Variants in SUPT3H observed in about 807,000 individuals in gnomAD.
SUPT3H encodes the protein transcription initiation protein SPT3 homolog.
SUPT3H carries 44 observed loss-of-function variants against 44.3 expected under a neutral mutation model. That is an observed-to-expected ratio of 0.99 (90% CI 0.78 to 1.28). SUPT3H has a LOEUF of 1.28. SUPT3H is among the 50% of genes most tolerant of loss of function. The probability of loss-of-function intolerance (pLI) is 0.00; values close to 1 mark genes in which losing one functional copy is unlikely to be tolerated. For synonymous variants in SUPT3H, 124 were observed against 125.6 expected (o/e 0.99, Z 0.09); for missense variants, 380 against 387.1 (o/e 0.98, Z 0.15).
At chr6:45,039,441 T>C (rs1788171912) in intron 3 of SUPT3H, among the ~76,000 whole-genome samples, 1 of 151,944 alleles carries the variant, frequency 6.6e-6, no homozygotes, top group Non-Finnish European at 1.5e-5. Context: ...AGTATTTCTG[T>C]ACTATTAAAG....
intron 3 of SUPT3H, among the ~76,000 whole-genome samples, chr6:45,033,163 T>C (rs1277135390): frequency 6.6e-6 from 1 of 152,100 alleles, no homozygotes. Flanking sequence ...GAAAAGATAA[T>C]GTCTGAAATA....
chr6:45,011,543 C>A (rs947668577), intron 5 of SUPT3H, among the ~76,000 whole-genome samples: 19 of 151,938 alleles, frequency 1.3e-4, no homozygotes, highest in Non-Finnish European at 2.6e-4. Flanking sequence ...TTACCACTTA[C>A]CTCATTCGTG....
At chr6:45,175,369 G>A (rs1398135650) in intron 2 of SUPT3H, among the ~76,000 whole-genome samples, 3 of 152,192 alleles carry the variant, frequency 2.0e-5, no homozygotes, top group African/African-American at 7.2e-5. Flanking sequence ...AGGCGATGGG[G>A]AAGCAAGGCA....
chr6:45,001,723 A>G (rs1240102913), intron 6 of SUPT3H, among the ~76,000 whole-genome samples: 1 of 152,074 alleles, frequency 6.6e-6, no homozygotes, highest in Non-Finnish European at 1.5e-5. Flanking sequence ...TTCTGCAACC[A>G]TAAGTGATGC....
In SUPT3H at chr6:44,932,754, C is replaced by T; in HGVS notation, c.811G>A (p.Ala271Thr). 2 of 1,599,896 alleles carry T rather than the reference C, an allele frequency of 1.3e-6. No homozygotes were observed. Among genetic ancestry groups the T allele is most frequent in the Non-Finnish European group, 1.7e-6 (2 of 1,174,862 alleles). Residue 271 changes from alanine to threonine, a missense_variant, in exon 10 of 11, where the codon GCC becomes ACC. Ala to Thr is a moderately conservative substitution (Grantham distance 58). Transcript: ENST00000371459. The part of the protein sequence containing the change: ...QYHNSAESTA[A>T]CGVEAHSDAI... The stretch of plus-strand genomic sequence containing the variant: ...TCGCTGTGAGCCTCAACACCACAGG[C>T]TGCAGTGCTCTGCGACAGAAAAACA...
intron 2 of SUPT3H, among the ~76,000 whole-genome samples, chr6:45,241,632 T>A (rs927502751): frequency 6.6e-6 from 1 of 152,108 alleles, no homozygotes; most frequent in Non-Finnish European, 1.5e-5. Flanking sequence ...CACGCTATAT[T>A]TGTGTGTGTG....
chr6:45,364,712 G>C (rs1794838744), intron 2 of SUPT3H, among the ~76,000 whole-genome samples: 1 of 152,082 alleles, frequency 6.6e-6, no homozygotes, highest in Admixed American at 6.6e-5. Context: ...AATGCTCTAA[G>C]TTTTTCCCCA....
intron 10 of SUPT3H, among the ~76,000 whole-genome samples, chr6:44,906,939 G>C (rs1766195169): frequency 6.6e-6 from 1 of 152,180 alleles, no homozygotes; most frequent in Admixed American, 6.5e-5. Context: ...CTTTCTGCTG[G>C]AATTTAAGGG....
chr6:45,353,291 A>C (rs1792451278), intron 2 of SUPT3H, among the ~76,000 whole-genome samples: 1 of 152,106 alleles, frequency 6.6e-6, no homozygotes, highest in Non-Finnish European at 1.5e-5. Flanking sequence ...TGATAAAATG[A>C]TTCCTAAAAA....
chr6:45,176,662 C>G (rs1811962240), intron 2 of SUPT3H, among the ~76,000 whole-genome samples: 1 of 152,222 alleles, frequency 6.6e-6, no homozygotes, highest in Admixed American at 6.5e-5. Context: ...CCTCTGCAGA[C>G]TTAAATGTCC....
intron 2 of SUPT3H, among the ~76,000 whole-genome samples, chr6:45,123,812 T>G (rs1296885142): frequency 6.6e-6 from 1 of 152,210 alleles, no homozygotes; most frequent in Non-Finnish European, 1.5e-5. Flanking sequence ...TGAATGAATG[T>G]GTATAGCTAT....
chr6:45,312,263 C>T (rs751692582), intron 2 of SUPT3H, among the ~76,000 whole-genome samples: 1 of 152,136 alleles, frequency 6.6e-6, no homozygotes, highest in Admixed American at 6.5e-5. Context: ...AATCCCAGCA[C>T]TTTGGGAGGC....
At chr6:45,008,809 C>T (rs537927827) in intron 5 of SUPT3H, among the ~76,000 whole-genome samples, 11 of 151,926 alleles carry the variant, frequency 7.2e-5, no homozygotes, top group Non-Finnish European at 7.4e-5. Flanking sequence ...GGCACAATCA[C>T]GGCTCACTGC....
Position 44,812,246 on chromosome 6 carries a change from G to T in SUPT3H, c.*53-2745C>A, listed in dbSNP as rs568513338. ...GTTTTTTTCTGGAGGCTATAGGGAA[G>T]AATCTGTTTCCTGTTCATTCAGATT... On this transcript the variant is annotated intron_variant and NMD_transcript_variant, in intron 11 of 11. Transcript: ENST00000475057. Among the ~76,000 whole-genome samples the T allele has an allele frequency of 5.1e-4, 78 of 152,298 alleles. 1 individual carries two copies. The South Asian group carries it at 0.016, about 31-fold the overall frequency.
At chr6:45,266,505 GAA>G (rs1330466427) in intron 2 of SUPT3H, among the ~76,000 whole-genome samples, 2 of 151,552 alleles carry the variant, frequency 1.3e-5, no homozygotes, top group Non-Finnish European at 3.0e-5. Context: ...GTAACAATAT[GAA>G]AAGACTCAAG....
chr6:45,071,763 T>C (rs774299318), intron 3 of SUPT3H, among the ~76,000 whole-genome samples: 14 of 152,182 alleles, frequency 9.2e-5, no homozygotes, highest in Non-Finnish European at 1.6e-4. Flanking sequence ...ATCATGACTT[T>C]CTATCAATTG....
rs73735383 is a variant in SUPT3H at position 45,352,420 on chromosome 6, T to C, written c.101+12781A>G. On this transcript the variant is annotated intron_variant, in intron 2 of 10. Transcript: ENST00000371459. ...ACAAATCTAATAAATTTGATTACTA[T>C]ACTGTTGTAGACTGGAAGCAACATT... is the stretch of plus-strand genomic sequence containing the variant. 6.0e-3 allele frequency among the ~76,000 whole-genome samples: 919 copies of C among 152,318 alleles called. 14 individuals carry two copies. The highest frequency in any genetic ancestry group is 0.021 in the African/African-American group (877 of 41,568).
At chr6:45,365,804 A>C (rs1036518045) in intron 1 of SUPT3H, among the ~76,000 whole-genome samples, 2 of 151,784 alleles carry the variant, frequency 1.3e-5, no homozygotes, top group African/African-American at 4.8e-5. Flanking sequence ...CAAAATTAGA[A>C]AACTACAGCA....
chr6:44,854,798 T>C (rs779939050), intron 10 of SUPT3H, among the ~76,000 whole-genome samples: 18 of 152,230 alleles, frequency 1.2e-4, no homozygotes, highest in Non-Finnish European at 2.5e-4. Context: ...TCCATCTGGA[T>C]AATTCTTTTA....
Sources: gnomAD v4.1 joint callset for allele counts (sites outside exome capture counted in the v4.1 genomes callset) on GRCh38, gnomAD v4.1.1 for gene constraint, MANE v1.5 for transcripts, NCBI Gene and HGNC (gene_info 2026-07-23, HGNC 2026-07-21) for gene names.